The following SLC52A3 variants were observed in gnomAD, a reference collection of about 807,000 sequenced individuals.
SLC52A3 encodes the protein solute carrier family 52, riboflavin transporter, member 3.
Under a neutral mutation model 29.5 loss-of-function variants are expected in SLC52A3, and 20 were observed. The ratio of observed to expected loss-of-function variants is 0.68; its 90% CI spans 0.48 to 0.99. The LOEUF (loss-of-function observed/expected upper bound fraction) is 0.99, where lower values mean the gene tolerates loss of function less well. Ranked by LOEUF, SLC52A3 falls within the 50% of genes least tolerant of loss-of-function variation. SLC52A3 has a pLI of 0.00. For missense variants in SLC52A3, 548 were observed against 612.9 expected (o/e 0.89, Z 1.12); for synonymous variants, 301 against 271.0 (o/e 1.11, Z -1.09).
At chr20:761,393 A>G (rs1986471818) in intron 4 of SLC52A3, 155 bp from the exon 5 acceptor site, 17 of 915,164 alleles carry the variant, frequency 1.9e-5, no homozygotes, top group South Asian at 1.6e-4. Flanking sequence ...GACGGGTCCC[A>G]TGAGTTGGCC....
At chr20:769,352 G>A (rs1986780839), upstream of SLC52A3, among the ~76,000 whole-genome samples, 2 of 152,078 alleles carry the variant, frequency 1.3e-5, no homozygotes, top group African/African-American at 2.4e-5. Flanking sequence ...TCTCCCCTGC[G>A]GTAACATCTG....
intron 2 of SLC52A3, among the ~76,000 whole-genome samples, chr20:764,828 AG>A (rs1225125336): frequency 6.6e-6 from 1 of 152,208 alleles, no homozygotes; most frequent in Non-Finnish European, 1.5e-5. Context: ...AGGAAGAGAA[AG>A]GTGATGGCCT....
chr20:772,934 C>T (rs1986891743), upstream of SLC52A3, among the ~76,000 whole-genome samples: 2 of 152,196 alleles, frequency 1.3e-5, no homozygotes. Flanking sequence ...GCCACACCTG[C>T]TCTGTCCCAG....
rs1599955750 is a variant in SLC52A3, at chr20:761,173, C to A, written c.1263G>T (p.Leu421=). 1 of 1,573,944 alleles carries A rather than the reference C, an allele frequency of 6.4e-7. No individual in the cohort carries two copies. The change falls in exon 5 of 5, where the codon CTG becomes CTT. Residue 421 remains leucine (L), a synonymous_variant. Coordinates refer to ENST00000645534, the MANE Select transcript of SLC52A3 (RefSeq NM_033409.4). ...SYVKVMLGVV[L]RDLSRSALLW... Reference sequence around the variant, plus strand: ...AGAGGGCGCTGCGGCTGAGGTCGCGCAGGACCACGCCCAGCATCACCTTGA... The same window carrying A: ...AGAGGGCGCTGCGGCTGAGGTCGCGAAGGACCACGCCCAGCATCACCTTGA...
chr20:777,259 A>G (rs1479839906), upstream of SLC52A3, among the ~76,000 whole-genome samples: 1 of 43,676 alleles, frequency 2.3e-5, no homozygotes, highest in East Asian at 4.7e-4. Flanking sequence ...CAAACAAACA[A>G]ACAAACAAAA....
At chr20:778,672 A>G (rs6117615), upstream of SLC52A3, among the ~76,000 whole-genome samples, 11,615 of 151,886 alleles carry the variant, frequency 0.076, 763 homozygotes, top group East Asian at 0.43. Flanking sequence ...GCCAAGGGAG[A>G]AGTTAAGCCT....
chr20:765,969 C>G lies in SLC52A3; in HGVS notation c.-51-144G>C. ...TTTTTTCCTTTGAGACATAGTTTCA[C>G]TCTTTTAGTCCAGGCTGGAGTGCAA... is the stretch of plus-strand genomic sequence containing the variant. On this transcript the variant is annotated intron_variant, in intron 1 of 4. Transcript: ENST00000645534. The surrounding 1 kb of genome is among the most constrained non-coding windows in gnomAD (Gnocchi z 6.6). The G allele has an allele frequency of 3.3e-6, 2 of 608,774 alleles. No individual in the cohort carries two copies. The allele number at this position is 608,774 out of a possible 1,614,324, so 37.7% of individuals were successfully genotyped here.
rs1271382121 is a variant in SLC52A3, at chr20:761,681, C to T, written c.1197+20G>A. 2 of 1,612,964 alleles carry T rather than the reference C, an allele frequency of 1.2e-6. No individual in the cohort carries two copies. The highest frequency in any genetic ancestry group is 1.3e-5 in the African/African-American group (1 of 74,928). On this transcript the variant is annotated intron_variant, in intron 4 of 4. Transcript: ENST00000645534. Reference sequence around the variant, plus strand: ...GTGAGGGGTACGCAGCGGGAGCAGCCCCACCGGCCGGATACTCACAATGAG... The same window carrying T: ...GTGAGGGGTACGCAGCGGGAGCAGCTCCACCGGCCGGATACTCACAATGAG...
upstream of SLC52A3, among the ~76,000 whole-genome samples, chr20:769,558 T>A (rs981915869): frequency 1.3e-5 from 2 of 151,402 alleles, no homozygotes; most frequent in African/African-American, 4.9e-5. Context: ...TGAACCATCA[T>A]TATAAGATTA....
At chr20:772,653 T>C (rs996920891), upstream of SLC52A3, among the ~76,000 whole-genome samples, 6 of 152,128 alleles carry the variant, frequency 3.9e-5, no homozygotes, top group Non-Finnish European at 8.8e-5. Flanking sequence ...TTCTTATTTA[T>C]TCATTTTAAC....
At position 765,178 on chromosome 20, in the gene SLC52A3, G is replaced by T. The variant is rs768755708; in HGVS notation, c.567+30C>A. 5.0e-6 allele frequency: 8 copies of T among 1,612,866 alleles called. No individual in the cohort carries two copies. The highest frequency in any genetic ancestry group is 2.2e-5 in the East Asian group (1 of 44,888). On this transcript the variant is annotated intron_variant, in intron 2 of 4. Transcript: ENST00000645534. This position sits in a 1 kb window ranked among gnomAD's most constrained non-coding sequence, Gnocchi z 6.6. ...CCCTACATTTGTGATAAAGCCAAGT[G>T]CTGAGATGGCTCCGGGTGATGCTGG...
chr20:761,247 C>T lies in SLC52A3; in HGVS notation c.1198-9G>A. The T allele has an allele frequency of 1.3e-6, 2 of 1,544,776 alleles. No individual in the cohort carries two copies. The highest frequency in any genetic ancestry group is 2.2e-4 in the Middle Eastern group (1 of 4,548). On this transcript the variant is annotated splice_polypyrimidine_tract_variant and intron_variant, in intron 4 of 4. Transcript: ENST00000645534. ...AGCACCCACGAGGCCACCTGCGGGG[C>T]CGGGAGGGAAGAGGTGCAGAGTCAC...
At position 760,246 on chromosome 20, in the gene SLC52A3, C is replaced by T. The variant is rs1315562346; in HGVS notation, c.*780G>A. 6.6e-6 allele frequency: 1 copy of T among 152,218 alleles called. No individual in the cohort carries two copies. Among genetic ancestry groups the T allele is most frequent in the African/African-American group, 2.4e-5 (1 of 41,448 alleles). 9.4% of individuals were successfully genotyped at this position (152,218 alleles called of 1,614,324 possible). A position where few individuals can be genotyped will look rare whatever the true frequency, so the allele number is the denominator to read the frequency against. On this transcript the variant is annotated 3_prime_UTR_variant, in exon 5 of 5. Transcript: ENST00000645534. This position sits in a 1 kb window ranked among gnomAD's most constrained non-coding sequence, Gnocchi z 4.9. ...TTCAGAGGCTCAGGGATGGGCCTTC[C>T]CCAGCCCCACCAGCAAATCATCTCT... is the stretch of plus-strand genomic sequence containing the variant.
Position 765,779 on chromosome 20 carries a change from G to A in SLC52A3, c.-5C>T. The A allele has an allele frequency of 6.2e-7, 1 of 1,611,338 alleles. No homozygotes were observed. Among genetic ancestry groups the A allele is most frequent in the South Asian group, 1.1e-5 (1 of 90,412 alleles). On this transcript the variant is annotated 5_prime_UTR_variant, in exon 2 of 5. Transcript: ENST00000645534. The surrounding 1 kb of genome is among the most constrained non-coding windows in gnomAD (Gnocchi z 6.6). ...CAGGTGCATCAGGAAGGCCATGGCG[G>A]TATCTGCCCTGGGCCAGAGGCTTTC... is the stretch of plus-strand genomic sequence containing the variant.
chr20:773,419 A>G (rs2122551858), upstream of SLC52A3, among the ~76,000 whole-genome samples: 1 of 152,316 alleles, frequency 6.6e-6, no homozygotes, highest in Non-Finnish European at 1.5e-5. Flanking sequence ...GCCTAGGGTC[A>G]TACAGCTGGG....
chr20:765,739 G>A lies in SLC52A3; in HGVS notation c.36C>T (p.Phe12=), dbSNP rs777780132. The part of the protein sequence containing the change: ...AFLMHLLVCV[F]GMGSWVTING... ...TGATGGTCACCCAGGAGCCCATTCC[G>A]AAGACGCAGACCAGCAGGTGCATCA... Residue 12 remains phenylalanine (F), a synonymous_variant, in exon 2 of 5, where the codon TTC becomes TTT. Coordinates refer to ENST00000645534, the MANE Select transcript of SLC52A3 (RefSeq NM_033409.4). The surrounding 1 kb of genome is among the most constrained non-coding windows in gnomAD (Gnocchi z 6.6). 5.0e-6 allele frequency: 8 copies of A among 1,612,212 alleles called. No individual in the cohort carries two copies. The highest frequency in any genetic ancestry group is 3.3e-5 in the South Asian group (3 of 90,914).
chr20:761,260 G>A (rs1299823594), intron 4 of SLC52A3, 22 bp from the exon 5 acceptor site: 1 of 1,540,422 alleles, frequency 6.5e-7, no homozygotes, highest in Admixed American at 2.0e-5. Context: ...GGAGGGAAGA[G>A]GTGCAGAGTC....
intron 4 of SLC52A3, 113 bp downstream of exon 4, chr20:761,588 G>T: frequency 6.6e-7 from 1 of 1,509,228 alleles, no homozygotes; most frequent in Non-Finnish European, 9.0e-7. Context: ...GGGGCTTCCC[G>T]GGAGGGTCCC....
At chr20:775,518 G>A (rs1297714111) in intron 1 of SLC52A3, among the ~76,000 whole-genome samples, 2 of 152,184 alleles carry the variant, frequency 1.3e-5, no homozygotes, top group South Asian at 2.1e-4. Context: ...GAGCTCAAGC[G>A]ATTCACCTGC....
Sources: gnomAD v4.1 joint callset for allele counts (sites outside exome capture counted in the v4.1 genomes callset) on GRCh38, gnomAD v4.1.1 for gene constraint, Gnocchi (gnomAD v3.1) non-coding constraint, MANE v1.5 for transcripts, NCBI Gene and HGNC (gene_info 2026-07-23, HGNC 2026-07-21) for gene names.